The following ABI2 variants were observed in gnomAD, a reference collection of about 807,000 sequenced individuals.
ABI2 encodes the protein abl interactor 2.
ABI2 carries 25 observed loss-of-function variants against 59.2 expected under a neutral mutation model. The ratio of observed to expected loss-of-function variants is 0.42; its 90% CI spans 0.31 to 0.59. ABI2 has a LOEUF of 0.59. Ranked by LOEUF, ABI2 falls within the 20% of genes least tolerant of loss-of-function variation. ABI2 has a pLI of 0.14. For synonymous variants in ABI2, 213 were observed against 235.5 expected (o/e 0.90, Z 0.87); for missense variants, 545 against 681.8 (o/e 0.80, Z 2.23).
At chr2:203,342,853 T>C (rs2080869883) in intron 1 of ABI2, among the ~76,000 whole-genome samples, 1 of 152,152 alleles carries the variant, frequency 6.6e-6, no homozygotes, top group African/African-American at 2.4e-5. Context: ...CACACACATC[T>C]CATTGTTTTT....
intron 1 of ABI2, among the ~76,000 whole-genome samples, chr2:203,363,483 A>G (rs1158301701): frequency 7.3e-6 from 1 of 136,894 alleles, no homozygotes; most frequent in Admixed American, 7.6e-5. Flanking sequence ...CCACTCCCCT[A>G]CCTCCCTATC....
chr2:203,395,004 A>G (rs1162952775), intron 6 of ABI2, 158 bp downstream of exon 6: 2 of 862,810 alleles, frequency 2.3e-6, no homozygotes, highest in Non-Finnish European at 3.8e-6. Flanking sequence ...TCATGTTCTG[A>G]TTCAACTTTG....
chr2:203,403,718 C>CT (rs2097311774), intron 9 of ABI2, among the ~76,000 whole-genome samples: 1 of 137,898 alleles, frequency 7.3e-6, no homozygotes, highest in Non-Finnish European at 1.6e-5. Context: ...TTTTCTGACT[C>CT]TAAGTTCCAT....
At chr2:203,374,747 A>T (rs1040865131) in intron 2 of ABI2, 3 of 423,616 alleles carry the variant, frequency 7.1e-6, no homozygotes, top group Non-Finnish European at 1.5e-5. Context: ...TAGCTTACTA[A>T]TAAAAAAAAT....
intron 1 of ABI2, among the ~76,000 whole-genome samples, chr2:203,342,608 C>T (rs1391109033): frequency 7.6e-6 from 1 of 131,596 alleles, no homozygotes; most frequent in Non-Finnish European, 1.7e-5. Context: ...GAGACAAGGT[C>T]TCACTCTGTC....
At chr2:203,414,909 T>C (rs1159193998) in intron 10 of ABI2, among the ~76,000 whole-genome samples, 1 of 152,224 alleles carries the variant, frequency 6.6e-6, no homozygotes, top group Non-Finnish European at 1.5e-5. Flanking sequence ...AGCTGAGTAA[T>C]TGGAACATTT....
Position 203,416,951 on chromosome 2 carries a change from C to T in ABI2, c.1323C>T (p.Val441=), listed in dbSNP as rs199774577. 209 of 1,613,888 alleles carry T rather than the reference C, an allele frequency of 1.3e-4. No individual in the cohort carries two copies. The highest frequency in any genetic ancestry group is 1.7e-4 in the Non-Finnish European group (197 of 1,179,966). Residue 441 remains valine (V), a synonymous_variant, in exon 11 of 12, where the codon GTC becomes GTT. Transcript: ENST00000261018. ...CACCGCCACCTGTGGAAGAACCAGT[C>T]TTTGATGAGTCTCCCCCACCTCCTC... ...PPPPPPVEEP[V]FDESPPPPPP...
At position 203,402,611 on chromosome 2, in the gene ABI2, G is replaced by C. The variant is rs756663897; in HGVS notation, c.1069G>C (p.Ala357Pro). ...PVQFYSMNRPASRHTPPTIGG... is the reference protein window; with the variant it reads ...PVQFYSMNRPPSRHTPPTIGG... ...ACAGTTCTACAGCATGAATAGGCCT[G>C]CCTCTCGCCATACTCCCCCAACAAT... Residue 357 changes from alanine (A) to proline (P), a missense_variant, in exon 9 of 12, where the codon GCC becomes CCC. Ala to Pro is a conservative substitution (Grantham distance 27). Around this residue, in one of 4 missense-constraint regions of ABI2, gnomAD observed 410 missense variants for 435.6 expected, o/e 0.94. Coordinates refer to ENST00000261018, the MANE Select transcript of ABI2 (RefSeq NM_001375670.1). 1 of 1,598,056 alleles carries C rather than the reference G, an allele frequency of 6.3e-7. No individual in the cohort carries two copies. The highest frequency in any genetic ancestry group is 1.1e-5 in the South Asian group (1 of 87,418).
chr2:203,422,358 G>A (rs2098255436), intron 11 of ABI2, among the ~76,000 whole-genome samples: 1 of 152,168 alleles, frequency 6.6e-6, no homozygotes, highest in Non-Finnish European at 1.5e-5. Context: ...AAAATCTCAG[G>A]TACCCTGAGT....
At chr2:203,369,793 T>C (rs1357703270) in intron 2 of ABI2, among the ~76,000 whole-genome samples, 3 of 152,150 alleles carry the variant, frequency 2.0e-5, no homozygotes, top group Admixed American at 6.5e-5. Flanking sequence ...ATACAGAATA[T>C]AAATTATTAT....
chr2:203,332,771 A>G (rs1338849565), intron 1 of ABI2, among the ~76,000 whole-genome samples: 1 of 152,228 alleles, frequency 6.6e-6, no homozygotes, highest in Non-Finnish European at 1.5e-5. Context: ...GGTAGATGAA[A>G]TAACTCCCTA....
intron 11 of ABI2, among the ~76,000 whole-genome samples, chr2:203,426,785 TAAAA>T (rs59683844): frequency 2.3e-5 from 3 of 131,840 alleles, no homozygotes; most frequent in African/African-American, 5.5e-5. Context: ...AGAAAAGCTT[TAAAA>T]AAAAAAAAAA....
Position 203,380,286 on chromosome 2 carries a change from C to T in ABI2, c.364C>T (p.His122Tyr). 1 of 1,608,476 alleles carries T rather than the reference C, an allele frequency of 6.2e-7. No homozygotes were observed. Among genetic ancestry groups the T allele is most frequent in the Non-Finnish European group, 8.5e-7 (1 of 1,177,364 alleles). Residue 122 changes from histidine to tyrosine, a missense_variant, in exon 3 of 12, where the codon CAT becomes TAT. By Grantham distance (83) the His-to-Tyr change is moderately conservative. This residue lies in a region of ABI2 where 410 missense variants were observed against 435.6 expected (regional missense o/e 0.94). Transcript: ENST00000261018. ...LTTNKNTSRT[H>Y]KIIAPANLER... ...TACCAATAAAAACACTTCAAGGACACATAAGATTATTGCTCCAGCCAACCT... is the reference window on the plus strand; with the variant it reads ...TACCAATAAAAACACTTCAAGGACATATAAGATTATTGCTCCAGCCAACCT...
At chr2:203,331,363 T>TTTTTTTG (rs1197573518) in intron 1 of ABI2, among the ~76,000 whole-genome samples, 3 of 140,180 alleles carry the variant, frequency 2.1e-5, no homozygotes, top group Non-Finnish European at 4.6e-5. Context: ...TTTTTTTTTT[T>TTTTTTTG]TTTTTCTGAG....
chr2:203,402,059 G>C lies in ABI2; in HGVS notation c.1034-517G>C, dbSNP rs975233749. ...CAAACTATTTATTTATTTTGAGACAGAGTCTCACTCTGTCACCCAGGCTGG... is the reference window on the plus strand; with the variant it reads ...CAAACTATTTATTTATTTTGAGACACAGTCTCACTCTGTCACCCAGGCTGG... On this transcript the variant is annotated intron_variant, in intron 8 of 11. Coordinates refer to ENST00000261018, the MANE Select transcript of ABI2 (RefSeq NM_001375670.1). Among the ~76,000 whole-genome samples, 3 of 152,256 alleles carry C rather than the reference G, an allele frequency of 2.0e-5. No individual in the cohort carries two copies. In the East Asian group the frequency reaches 5.8e-4, roughly 29 times the overall value.
chr2:203,341,009 CTTTGTA>C (rs1411523278), intron 1 of ABI2, among the ~76,000 whole-genome samples: 2 of 152,094 alleles, frequency 1.3e-5, no homozygotes, highest in Non-Finnish European at 2.9e-5. Flanking sequence ...GGCCTTTTTG[CTTTGTA>C]TTTGTTATGC....
At position 203,360,615 on chromosome 2, in the gene ABI2, C is replaced by T. The variant is rs527980486; in HGVS notation, c.118-6262C>T. On this transcript the variant is annotated intron_variant, in intron 1 of 11. Transcript: ENST00000261018. ...TTTAGCAAAATGGAGAATTTAGATA[C>T]CAGGAATGACCTGATTCAGGCTAGT... Among the ~76,000 whole-genome samples the T allele has an allele frequency of 3.9e-5, 6 of 152,196 alleles. 1 individual carries two copies. Among genetic ancestry groups the T allele is most frequent in the African/African-American group, 1.4e-4 (6 of 41,516 alleles).
At chr2:203,394,573 G>C (rs528665645) in intron 5 of ABI2, 127 bp from the exon 6 acceptor site, 133 of 875,234 alleles carry the variant, frequency 1.5e-4, no homozygotes, top group Admixed American at 4.1e-4. Context: ...GAAATTGGTA[G>C]CTGGGTTATG....
chr2:203,413,441 G>A (rs1014200084), intron 10 of ABI2, among the ~76,000 whole-genome samples: 4 of 152,190 alleles, frequency 2.6e-5, no homozygotes, highest in African/African-American at 9.7e-5. Context: ...ACTTAGGAAT[G>A]TCTTAAGTAG....
Sources: allele counts gnomAD v4.1 joint callset (sites outside exome capture counted in the v4.1 genomes callset), GRCh38; gene constraint gnomAD v4.1.1; regional missense constraint gnomAD v4.1.1; transcripts MANE v1.5; gene names NCBI Gene and HGNC (gene_info 2026-07-23, HGNC 2026-07-21).